UBE2E2: variants seen among roughly 807,000 people sequenced by gnomAD.
UBE2E2 encodes the protein ubiquitin conjugating enzyme E2 E2.
In UBE2E2, 6 loss-of-function variants were observed where a neutral mutation model predicts 24.7. That is an observed-to-expected ratio of 0.24 (90% CI 0.13 to 0.48). The LOEUF is 0.48. Among genes scored for constraint, UBE2E2 ranks in the 20% least tolerant of loss-of-function variants. The pLI, the probability that UBE2E2 is intolerant of heterozygous loss-of-function variation, is 0.99. For missense variants in UBE2E2, 169 were observed against 245.0 expected (o/e 0.69, Z 2.07); for synonymous variants, 104 against 83.6 (o/e 1.24, Z -1.33).
At chr3:23,287,203 G>C (rs1012809025) in intron 3 of UBE2E2, among the ~76,000 whole-genome samples, 7 of 152,196 alleles carry the variant, frequency 4.6e-5, no homozygotes, top group African/African-American at 1.7e-4. Context: ...CCTTCAATCT[G>C]TTGGTATTAT....
intron 3 of UBE2E2, among the ~76,000 whole-genome samples, chr3:23,498,686 A>G (rs1699657248): frequency 6.6e-6 from 1 of 152,120 alleles, no homozygotes; most frequent in Admixed American, 6.5e-5. Flanking sequence ...ACTCATTTAA[A>G]AATACATTTT....
intron 3 of UBE2E2, among the ~76,000 whole-genome samples, chr3:23,469,945 G>A (rs1698998963): frequency 6.6e-6 from 1 of 152,136 alleles, no homozygotes; most frequent in Non-Finnish European, 1.5e-5. Flanking sequence ...GGTTTACAAT[G>A]CCTTGTTTAT....
intron 3 of UBE2E2, among the ~76,000 whole-genome samples, chr3:23,325,130 A>G (rs1694847793): frequency 6.6e-6 from 1 of 152,204 alleles, no homozygotes; most frequent in South Asian, 2.1e-4. Context: ...TGAATCTTCT[A>G]GGCACACATT....
chr3:23,289,961 C>G, intron 3 of UBE2E2, among the ~76,000 whole-genome samples: 1 of 151,768 alleles, frequency 6.6e-6, no homozygotes, highest in East Asian at 1.9e-4. Context: ...ATTTCTCTTA[C>G]GGAGCATATA....
intron 3 of UBE2E2, among the ~76,000 whole-genome samples, chr3:23,496,420 G>A (rs547541029): frequency 2.0e-5 from 3 of 152,142 alleles, no homozygotes; most frequent in Admixed American, 2.0e-4. Flanking sequence ...CTCCTACCCA[G>A]GAAACCACTC....
chr3:23,316,057 A>G (rs1694568588), intron 3 of UBE2E2, among the ~76,000 whole-genome samples: 2 of 152,054 alleles, frequency 1.3e-5, no homozygotes, highest in African/African-American at 4.8e-5. Context: ...ACCCCTGGAA[A>G]TGCACTGGCT....
intron 3 of UBE2E2, among the ~76,000 whole-genome samples, chr3:23,439,477 C>T (rs1172911086): frequency 6.6e-6 from 1 of 152,180 alleles, no homozygotes; most frequent in East Asian, 1.9e-4. Context: ...TAAGGGAGAT[C>T]TGGGAAATGG....
At chr3:23,296,639 C>T (rs188487408) in intron 3 of UBE2E2, among the ~76,000 whole-genome samples, 16 of 152,312 alleles carry the variant, frequency 1.1e-4, no homozygotes, top group East Asian at 1.9e-4. Context: ...GACATGAACT[C>T]ATCCTTTTTT....
intron 3 of UBE2E2, among the ~76,000 whole-genome samples, chr3:23,354,084 A>T (rs998700953): frequency 6.6e-6 from 1 of 152,200 alleles, no homozygotes; most frequent in African/African-American, 2.4e-5. Flanking sequence ...ATAACGCCAC[A>T]TATCTACAAC....
At chr3:23,221,487 CA>C (rs752547094) in intron 3 of UBE2E2, among the ~76,000 whole-genome samples, 65 of 152,142 alleles carry the variant, frequency 4.3e-4, no homozygotes, top group Non-Finnish European at 7.1e-4. Flanking sequence ...CCCTCGGCAG[CA>C]ATTAGTCTAC....
intron 5 of UBE2E2, among the ~76,000 whole-genome samples, chr3:23,574,369 A>G (rs1230166739): frequency 6.6e-6 from 1 of 152,198 alleles, no homozygotes; most frequent in Non-Finnish European, 1.5e-5. Flanking sequence ...TAAAATAACT[A>G]AAAGAGTACA....
chr3:23,352,057 C>G (rs1450367211), intron 3 of UBE2E2, among the ~76,000 whole-genome samples: 2 of 152,148 alleles, frequency 1.3e-5, no homozygotes, highest in Admixed American at 6.6e-5. Flanking sequence ...TGCAATCAAA[C>G]TAGAGCTCAG....
chr3:23,294,419 T>A (rs1262825189), intron 3 of UBE2E2, among the ~76,000 whole-genome samples: 1 of 152,036 alleles, frequency 6.6e-6, no homozygotes, highest in Non-Finnish European at 1.5e-5. Context: ...TGATTTCCAG[T>A]TGGTGTGATG....
intron 3 of UBE2E2, among the ~76,000 whole-genome samples, chr3:23,231,440 A>C (rs1305337819): frequency 6.6e-6 from 1 of 152,184 alleles, no homozygotes; most frequent in Non-Finnish European, 1.5e-5. Flanking sequence ...GTAGAAAACA[A>C]CACAAACTCA....
intron 3 of UBE2E2, among the ~76,000 whole-genome samples, chr3:23,403,563 G>A (rs1472149195): frequency 6.6e-6 from 1 of 152,206 alleles, no homozygotes; most frequent in African/African-American, 2.4e-5. Context: ...GCTCATGCCT[G>A]TAATCCCAGC....
At chr3:23,544,580 A>C (rs1195030343) in intron 5 of UBE2E2, among the ~76,000 whole-genome samples, 1 of 152,200 alleles carries the variant, frequency 6.6e-6, no homozygotes, top group East Asian at 1.9e-4. Context: ...TGTGAAGGGA[A>C]TGCTTGTACA....
At chr3:23,329,032 C>A (rs1225732393) in intron 3 of UBE2E2, among the ~76,000 whole-genome samples, 1 of 152,196 alleles carries the variant, frequency 6.6e-6, no homozygotes, top group Non-Finnish European at 1.5e-5. Flanking sequence ...TCAATACTTA[C>A]GCCCTTGCCC....
chr3:23,211,738 T>C (rs1286094079), intron 2 of UBE2E2, among the ~76,000 whole-genome samples: 1 of 152,122 alleles, frequency 6.6e-6, no homozygotes, highest in Non-Finnish European at 1.5e-5. Flanking sequence ...AAGCCTCGAT[T>C]TCTTCTTTCG....
intron 3 of UBE2E2, among the ~76,000 whole-genome samples, chr3:23,230,830 G>A (rs1206665607): frequency 6.6e-6 from 1 of 151,442 alleles, no homozygotes; most frequent in Non-Finnish European, 1.5e-5. Context: ...TATTTTTCCT[G>A]GAGAGGTGAA....
Sources: allele counts gnomAD v4.1 joint callset (sites outside exome capture counted in the v4.1 genomes callset), GRCh38; gene constraint gnomAD v4.1.1; transcripts MANE v1.5; gene names NCBI Gene and HGNC (gene_info 2026-07-23, HGNC 2026-07-21).